DDR2: variants seen among roughly 807,000 people sequenced by gnomAD.
DDR2 encodes the protein discoidin domain-containing receptor 2.
Under a neutral mutation model 94.9 loss-of-function variants are expected in DDR2, and 27 were observed. The observed-to-expected ratio is 0.28, with a 90% confidence interval of 0.21 to 0.39. The LOEUF is 0.39. Ranked by LOEUF, DDR2 falls within the 10% of genes least tolerant of loss-of-function variation. The probability of loss-of-function intolerance (pLI) is 1.00; values close to 1 mark genes in which losing one functional copy is unlikely to be tolerated. For missense variants in DDR2, 783 were observed against 1,076.0 expected (o/e 0.73, Z 3.81); for synonymous variants, 382 against 377.2 (o/e 1.01, Z -0.15).
chr1:162,710,732 C>T (rs1660868999), intron 2 of DDR2, among the ~76,000 whole-genome samples: 2 of 150,190 alleles, frequency 1.3e-5, no homozygotes, highest in Non-Finnish European at 3.0e-5. Flanking sequence ...TAATCTTCAA[C>T]ACACACAAAT....
intron 2 of DDR2, among the ~76,000 whole-genome samples, chr1:162,714,880 G>T (rs1247982164): frequency 6.6e-6 from 1 of 152,116 alleles, no homozygotes; most frequent in Non-Finnish European, 1.5e-5. Context: ...AGGGGTGTTT[G>T]CATTTTGAGT....
intron 1 of DDR2, among the ~76,000 whole-genome samples, chr1:162,636,489 T>C (rs1210107852): frequency 6.6e-6 from 1 of 152,212 alleles, no homozygotes; most frequent in South Asian, 2.1e-4. Context: ...TTTGGATCTA[T>C]AGCTCCGAGG....
At chr1:162,734,200 A>C (rs1662191042) in intron 3 of DDR2, among the ~76,000 whole-genome samples, 1 of 152,202 alleles carries the variant, frequency 6.6e-6, no homozygotes, top group Non-Finnish European at 1.5e-5. Flanking sequence ...GGTTGCAATA[A>C]AATATGTCAT....
At chr1:162,711,569 T>C (rs553278785) in intron 2 of DDR2, among the ~76,000 whole-genome samples, 98 of 152,336 alleles carry the variant, frequency 6.4e-4, no homozygotes, top group Non-Finnish European at 1.1e-3. Context: ...TGGTCACTCC[T>C]GAGGGGCTTA....
At chr1:162,759,715 G>T in intron 7 of DDR2, 81 bp from the exon 8 acceptor site, 1 of 1,532,518 alleles carries the variant, frequency 6.5e-7, no homozygotes, top group South Asian at 1.1e-5. Context: ...GAGTGAAGAT[G>T]CCGGGTAAAA....
Position 162,765,781 on chromosome 1 carries a change from T to C in DDR2, c.1100-220T>C, listed in dbSNP as rs78715068. 3.5e-4 allele frequency among the ~76,000 whole-genome samples: 53 copies of C among 149,628 alleles called. 1 individual carries two copies. In the East Asian group the frequency reaches 0.01, roughly 28 times the overall value. ...CTTTTTTGTACCATAGCATCTAGTA[T>C]GTAATATGTGAAACAAAAATTTTAC... On this transcript the variant is annotated intron_variant, in intron 9 of 17. Coordinates refer to ENST00000367921, the MANE Select transcript of DDR2 (RefSeq NM_006182.4).
intron 4 of DDR2, 104 bp from the exon 5 acceptor site, chr1:162,754,520 C>G (rs1663359778): frequency 3.5e-6 from 4 of 1,145,426 alleles, no homozygotes; most frequent in Non-Finnish European, 5.2e-6. Flanking sequence ...ATAAGGACAG[C>G]CTGCTCTCTC....
Position 162,767,296 on chromosome 1 carries a change from TA to T in DDR2, c.1231del (p.Ile411SerfsTer31). The T allele has an allele frequency of 6.2e-7, 1 of 1,614,126 alleles. No homozygotes were observed. Among genetic ancestry groups the T allele is most frequent in the Non-Finnish European group, 8.5e-7 (1 of 1,179,998 alleles). On this transcript the variant is annotated frameshift_variant, in exon 11 of 18. Coordinates refer to ENST00000367921, the MANE Select transcript of DDR2 (RefSeq NM_006182.4). LOFTEE classifies it high-confidence loss of function. Reference protein sequence around the residue: ...LIGCLVAIIFILLAIIVIILW... With the variant: ...LIGCLVAIIFXLLAIIVIILW... ...TTGGCTGCTTGGTGGCCATCATCTTTATCCTCCTGGCCATCATTGTCATCAT... is the reference window on the plus strand; with the variant it reads ...TTGGCTGCTTGGTGGCCATCATCTTTTCCTCCTGGCCATCATTGTCATCAT...
intron 3 of DDR2, among the ~76,000 whole-genome samples, chr1:162,748,487 C>A (rs965114374): frequency 2.6e-5 from 4 of 152,044 alleles, no homozygotes; most frequent in African/African-American, 9.7e-5. Context: ...ACAGGAGCAC[C>A]CAAATTCATA....
chr1:162,703,486 C>T (rs1397162694), intron 2 of DDR2, among the ~76,000 whole-genome samples: 1 of 152,086 alleles, frequency 6.6e-6, no homozygotes, highest in South Asian at 2.1e-4. Flanking sequence ...CCATTTAGTG[C>T]CAGCCCTGTG....
intron 2 of DDR2, among the ~76,000 whole-genome samples, chr1:162,682,985 C>T (rs528946418): frequency 1.3e-5 from 2 of 152,134 alleles, no homozygotes; most frequent in Non-Finnish European, 2.9e-5. Context: ...ATGTGAAAAT[C>T]CTCTACAAGA....
At chr1:162,754,585 C>A (rs1262064511) in intron 4 of DDR2, 39 bp from the exon 5 acceptor site, 1 of 1,599,378 alleles carries the variant, frequency 6.3e-7, no homozygotes, top group South Asian at 1.1e-5. Context: ...TCTGTGGTTT[C>A]ATGGTTGCTC....
intron 2 of DDR2, among the ~76,000 whole-genome samples, chr1:162,670,464 G>A (rs1366594543): frequency 6.6e-6 from 1 of 152,152 alleles, no homozygotes; most frequent in African/African-American, 2.4e-5. Context: ...GGTTACCTAG[G>A]ATGATCTTCC....
intron 1 of DDR2, among the ~76,000 whole-genome samples, chr1:162,636,329 A>G (rs946408695): frequency 6.6e-6 from 1 of 152,240 alleles, no homozygotes; most frequent in Non-Finnish European, 1.5e-5. Flanking sequence ...GAGGAATTCT[A>G]AACATGGGTT....
rs962634976 is a variant in DDR2 at position 162,786,859 on chromosome 1, C to A, written c.*6613C>A. On this transcript the variant is annotated 3_prime_UTR_variant, in exon 18 of 18. Coordinates refer to ENST00000367921, the MANE Select transcript of DDR2 (RefSeq NM_006182.4). The stretch of plus-strand genomic sequence containing the variant: ...ATTAATTAGTCCAGTTCTGGGGAAT[C>A]CAGTCTAGAATTAACTGGTGATCCC... 6 of 152,212 alleles carry A rather than the reference C, an allele frequency of 3.9e-5. No homozygotes were observed. Among genetic ancestry groups the A allele is most frequent in the South Asian group, 4.1e-4 (2 of 4,830 alleles). 9.4% of individuals were successfully genotyped at this position (152,212 alleles called of 1,614,324 possible).
At chr1:162,671,645 G>A (rs551138252) in intron 2 of DDR2, among the ~76,000 whole-genome samples, 3 of 152,046 alleles carry the variant, frequency 2.0e-5, no homozygotes, top group African/African-American at 7.2e-5. Context: ...TCTCTTCCTA[G>A]TCTCCTTTCT....
At chr1:162,701,009 T>C (rs1437574266) in intron 2 of DDR2, among the ~76,000 whole-genome samples, 2 of 150,906 alleles carry the variant, frequency 1.3e-5, no homozygotes, top group Admixed American at 6.6e-5. Context: ...TATATTTCAA[T>C]GGCATTCAAA....
At chr1:162,747,538 A>G (rs568682255) in intron 3 of DDR2, among the ~76,000 whole-genome samples, 4 of 151,544 alleles carry the variant, frequency 2.6e-5, no homozygotes, top group Non-Finnish European at 5.9e-5. Flanking sequence ...TGTACCTGAA[A>G]GTGACGGGGA....
chr1:162,744,702 A>T (rs1392843385), intron 3 of DDR2, among the ~76,000 whole-genome samples: 2 of 151,956 alleles, frequency 1.3e-5, no homozygotes, highest in African/African-American at 4.8e-5. Flanking sequence ...TTAAAGCTGA[A>T]TAAGATTCCA....
Sources: gnomAD v4.1 joint callset for allele counts (sites outside exome capture counted in the v4.1 genomes callset) on GRCh38, gnomAD v4.1.1 for gene constraint, MANE v1.5 for transcripts, NCBI Gene and HGNC (gene_info 2026-07-23, HGNC 2026-07-21) for gene names.